The following AGTR1 variants were observed in gnomAD, a reference collection of about 807,000 sequenced individuals.
AGTR1 encodes the protein type-1 angiotensin II receptor.
AGTR1 carries 16 observed loss-of-function variants against 19.4 expected under a neutral mutation model. The ratio of observed to expected loss-of-function variants is 0.82; its 90% CI spans 0.56 to 1.25. The LOEUF (loss-of-function observed/expected upper bound fraction) is 1.25, where lower values mean the gene tolerates loss of function less well. Ranked by LOEUF, AGTR1 falls within the 50% of genes most tolerant of loss-of-function variation. AGTR1 has a pLI of 0.00. For missense variants in AGTR1, 373 were observed against 431.9 expected (o/e 0.86, Z 1.21); for synonymous variants, 153 against 154.9 (o/e 0.99, Z 0.09).
At chr3:148,718,771 CTTTAA>C (rs1713439329) in intron 2 of AGTR1, among the ~76,000 whole-genome samples, 1 of 152,164 alleles carries the variant, frequency 6.6e-6, no homozygotes, top group Non-Finnish European at 1.5e-5. Flanking sequence ...AATTCAACCA[CTTTAA>C]TTTTTCTTTT....
chr3:148,729,639 C>T (rs1281411011), intron 2 of AGTR1, among the ~76,000 whole-genome samples: 2 of 152,090 alleles, frequency 1.3e-5, no homozygotes, highest in South Asian at 2.1e-4. Context: ...CTTTTATTGG[C>T]CTGGCATCGG....
intron 2 of AGTR1, among the ~76,000 whole-genome samples, chr3:148,713,805 C>T (rs1385115752): frequency 6.6e-6 from 1 of 152,170 alleles, no homozygotes; most frequent in African/African-American, 2.4e-5. Flanking sequence ...TTTTAGATTT[C>T]TCTTTCAAAT....
chr3:148,712,934 G>A (rs547083539), intron 2 of AGTR1, among the ~76,000 whole-genome samples: 45 of 152,240 alleles, frequency 3.0e-4, no homozygotes, highest in African/African-American at 1.0e-3. Context: ...TATCAGCTGA[G>A]TTTGGGGCAA....
chr3:148,735,417 T>C (rs1304991966), intron 2 of AGTR1, among the ~76,000 whole-genome samples: 1 of 152,126 alleles, frequency 6.6e-6, no homozygotes, highest in Non-Finnish European at 1.5e-5. Flanking sequence ...CCCAAGCAAG[T>C]TAATTCCCAC....
At chr3:148,731,420 T>G (rs1364282455) in intron 2 of AGTR1, 2 of 152,240 alleles carry the variant, frequency 1.3e-5, no homozygotes, top group African/African-American at 4.8e-5. Context: ...TGCCTTGTTA[T>G]AATTCTTCAA....
chr3:148,738,571 A>G (rs1177522890), intron 2 of AGTR1, among the ~76,000 whole-genome samples: 1 of 152,216 alleles, frequency 6.6e-6, no homozygotes, highest in African/African-American at 2.4e-5. Context: ...GATGAACTGG[A>G]AAATCTACAA....
intron 1 of AGTR1, among the ~76,000 whole-genome samples, chr3:148,707,258 T>A (rs562931197): frequency 2.0e-5 from 3 of 152,230 alleles, no homozygotes; most frequent in African/African-American, 4.8e-5. Flanking sequence ...TTTATATGCA[T>A]GTGTATGCAT....
At chr3:148,733,145 A>G (rs1714383799) in intron 2 of AGTR1, among the ~76,000 whole-genome samples, 1 of 152,164 alleles carries the variant, frequency 6.6e-6, no homozygotes, top group Non-Finnish European at 1.5e-5. Context: ...GAAAGCTAAA[A>G]TTAGAACCTC....
intron 2 of AGTR1, among the ~76,000 whole-genome samples, chr3:148,735,960 A>G (rs1019279998): frequency 2.6e-5 from 4 of 152,200 alleles, no homozygotes; most frequent in Admixed American, 2.6e-4. Context: ...GATTATTCCA[A>G]AATATAATTA....
At chr3:148,732,524 T>C (rs1714325321) in intron 2 of AGTR1, among the ~76,000 whole-genome samples, 1 of 152,192 alleles carries the variant, frequency 6.6e-6, no homozygotes, top group Non-Finnish European at 1.5e-5. Flanking sequence ...CAAAGAGTTC[T>C]TGTGTTTAAT....
chr3:148,733,786 CAG>C (rs1714424023), intron 2 of AGTR1, among the ~76,000 whole-genome samples: 2 of 152,130 alleles, frequency 1.3e-5, no homozygotes, highest in Admixed American at 6.5e-5. Context: ...TGTAAGAGGA[CAG>C]GGGTTCATTT....
At chr3:148,725,243 T>C (rs187192873) in intron 2 of AGTR1, among the ~76,000 whole-genome samples, 5 of 152,330 alleles carry the variant, frequency 3.3e-5, no homozygotes, top group Admixed American at 3.3e-4. Flanking sequence ...ACCAAAGGTC[T>C]ATAGTGTGAT....
chr3:148,707,972 T>C lies in AGTR1; in HGVS notation c.-103T>C, dbSNP rs1712764030. On this transcript the variant is annotated 5_prime_UTR_variant, in exon 2 of 3. It removes an upstream start codon present in the reference 5' UTR. Transcript: ENST00000349243. ...TGATATTTGACAAATTGATCTAAAA[T>C]GGCTGGGTTTTTATCTGAATAACTC... 1.3e-5 allele frequency: 2 copies of C among 152,182 alleles called. No individual in the cohort carries two copies. Among genetic ancestry groups the C allele is most frequent in the Admixed American group, 6.5e-5 (1 of 15,270 alleles). 9.4% of individuals were successfully genotyped at this position (152,182 alleles called of 1,614,324 possible). A position where few individuals can be genotyped will look rare whatever the true frequency, so the allele number is the denominator to read the frequency against.
In AGTR1 at chr3:148,742,885, A is replaced by T. The variant is rs1445578035; in HGVS notation, c.*770A>T. ...TATCATAAAGTATGCCTTCCTGTTT[A>T]AAAAAAGTATATATTCTACACATAT... is the stretch of plus-strand genomic sequence containing the variant. On this transcript the variant is annotated 3_prime_UTR_variant, in exon 3 of 3. Transcript: ENST00000349243. 3 of 166,760 alleles carry T rather than the reference A, an allele frequency of 1.8e-5. No individual in the cohort carries two copies. Among genetic ancestry groups the T allele is most frequent in the Non-Finnish European group, 2.9e-5 (2 of 68,058 alleles). 10.3% of individuals were successfully genotyped at this position (166,760 alleles called of 1,614,324 possible).
intron 2 of AGTR1, among the ~76,000 whole-genome samples, chr3:148,731,774 C>T (rs559497870): frequency 2.0e-5 from 3 of 152,344 alleles, no homozygotes; most frequent in East Asian, 3.9e-4. Context: ...CTTTCTCTTC[C>T]AGGCTGTTCT....
At chr3:148,703,890 C>A (rs1170785115) in intron 1 of AGTR1, among the ~76,000 whole-genome samples, 2 of 151,972 alleles carry the variant, frequency 1.3e-5, no homozygotes, top group Non-Finnish European at 2.9e-5. Context: ...GTCACCTTAC[C>A]TTTAAGTGCA....
intron 2 of AGTR1, among the ~76,000 whole-genome samples, chr3:148,732,388 ATTTC>A (rs773402024): frequency 2.6e-5 from 4 of 152,220 alleles, no homozygotes; most frequent in Non-Finnish European, 5.9e-5. Flanking sequence ...CCTGGGAAAT[ATTTC>A]TTTGAGTAAT....
chr3:148,726,085 T>C (rs1713914906), intron 2 of AGTR1, among the ~76,000 whole-genome samples: 1 of 152,232 alleles, frequency 6.6e-6, no homozygotes, highest in South Asian at 2.1e-4. Context: ...CATAATATTA[T>C]TTCCATTTGT....
At position 148,728,191 on chromosome 3, in the gene AGTR1, C is replaced by T. The variant is rs560985489; in HGVS notation, c.-47-12798C>T. 2.4e-3 allele frequency among the ~76,000 whole-genome samples: 365 copies of T among 152,148 alleles called. 1 individual carries two copies. Among genetic ancestry groups the T allele is most frequent in the Non-Finnish European group, 4.3e-3 (290 of 67,992 alleles). ...AACATTACTTACAGAATGTCAAAAACGTAAGGACCTGCTCTCTATTCCTGT... is the reference window on the plus strand; with the variant it reads ...AACATTACTTACAGAATGTCAAAAATGTAAGGACCTGCTCTCTATTCCTGT... On this transcript the variant is annotated intron_variant, in intron 2 of 2. Coordinates refer to ENST00000349243, the MANE Select transcript of AGTR1 (RefSeq NM_000685.5).
Sources: allele counts gnomAD v4.1 joint callset (sites outside exome capture counted in the v4.1 genomes callset), GRCh38; gene constraint gnomAD v4.1.1; transcripts MANE v1.5; gene names NCBI Gene and HGNC (gene_info 2026-07-23, HGNC 2026-07-21).